LRBA: variants seen among roughly 807,000 people sequenced by gnomAD.
LRBA encodes lipopolysaccharide-responsive and beige-like anchor protein.
In LRBA, 176 loss-of-function variants were observed where a neutral mutation model predicts 330.0. That is an observed-to-expected ratio of 0.53 (90% CI 0.47 to 0.60). The LOEUF is 0.60. Among genes scored for constraint, LRBA ranks in the 20% least tolerant of loss-of-function variants. The pLI is 0.00. For missense variants in LRBA, 3,259 were observed against 3,444.8 expected (o/e 0.95, Z 1.35); for synonymous variants, 1,230 against 1,193.0 (o/e 1.03, Z -0.64).
At chr4:150,793,590 C>T (rs567997410) in intron 34 of LRBA, among the ~76,000 whole-genome samples, 14 of 152,014 alleles carry the variant, frequency 9.2e-5, no homozygotes, top group South Asian at 4.2e-4. Context: ...CTATACTGGA[C>T]GCTGGGGATA....
intron 40 of LRBA, among the ~76,000 whole-genome samples, chr4:150,585,541 A>G (rs1045710144): frequency 2.0e-5 from 3 of 152,204 alleles, no homozygotes; most frequent in Admixed American, 1.3e-4. Context: ...TTTTAATGCA[A>G]GGGAATAACT....
chr4:150,546,211 C>T (rs1765843658), intron 40 of LRBA, among the ~76,000 whole-genome samples: 1 of 152,186 alleles, frequency 6.6e-6, no homozygotes, highest in Non-Finnish European at 1.5e-5. Context: ...CATGGCCACG[C>T]TGCACATGTT....
chr4:150,958,527 G>T (rs1213783789), intron 2 of LRBA, among the ~76,000 whole-genome samples: 1 of 149,168 alleles, frequency 6.7e-6, no homozygotes, highest in Non-Finnish European at 1.5e-5. Context: ...CTATTGTCTT[G>T]GCAATTAACA....
At chr4:150,362,904 T>TCAGCCTGG (rs773765865) in intron 47 of LRBA, among the ~76,000 whole-genome samples, 1 of 151,942 alleles carries the variant, frequency 6.6e-6, no homozygotes, top group Non-Finnish European at 1.5e-5. Flanking sequence ...CAGCTTGAGA[T>TCAGCCTGG]CAGCCTGGCA....
rs546517319 is a variant in LRBA, at chr4:150,354,195, C to A, written c.7195-4036G>T. The stretch of plus-strand genomic sequence containing the variant: ...ATTTTTAAGATTTAAAAACATAAAT[C>A]ATAAAACCTATATTAAAATAGCTTT... On this transcript the variant is annotated intron_variant, in intron 47 of 56. Coordinates refer to ENST00000651943, the MANE Select transcript of LRBA (RefSeq NM_001364905.1). 1.6e-3 allele frequency among the ~76,000 whole-genome samples: 245 copies of A among 152,128 alleles called. 1 individual carries two copies. Among genetic ancestry groups the A allele is most frequent in the African/African-American group, 4.6e-3 (193 of 41,508 alleles).
At chr4:150,721,393 G>T in intron 36 of LRBA, 1 of 292,918 alleles carries the variant, frequency 3.4e-6, no homozygotes, top group South Asian at 4.1e-5. Context: ...CACCCTCAGG[G>T]AACCGAAGTC....
intron 34 of LRBA, among the ~76,000 whole-genome samples, chr4:150,790,723 C>G (rs534509960): frequency 6.6e-6 from 1 of 152,314 alleles, no homozygotes; most frequent in East Asian, 1.9e-4. Flanking sequence ...ACTTCCTATC[C>G]AGTCCTCACA....
intron 48 of LRBA, among the ~76,000 whole-genome samples, chr4:150,332,636 G>A (rs1460916289): frequency 1.5e-5 from 2 of 134,052 alleles, no homozygotes; most frequent in Admixed American, 8.1e-5. Context: ...GTCTAGTGTT[G>A]AATAAAATAT....
intron 37 of LRBA, among the ~76,000 whole-genome samples, chr4:150,655,451 T>A (rs1301447772): frequency 6.6e-6 from 1 of 152,194 alleles, no homozygotes; most frequent in African/African-American, 2.4e-5. Context: ...TGCCACCAAA[T>A]CTTTAAGACA....
At chr4:151,001,773 T>C (rs2149652236) in intron 2 of LRBA, among the ~76,000 whole-genome samples, 1 of 152,080 alleles carries the variant, frequency 6.6e-6, no homozygotes, top group South Asian at 2.1e-4. Context: ...CAGCAATCCA[T>C]CTGGAAGCCC....
At chr4:150,271,535 A>G (rs1746099914) in intron 56 of LRBA, among the ~76,000 whole-genome samples, 1 of 104,028 alleles carries the variant, frequency 9.6e-6, no homozygotes, top group East Asian at 2.3e-4. Flanking sequence ...TGGGGGGAGG[A>G]GCAGCCAGGG....
chr4:150,826,919 A>G (rs1291648605), intron 30 of LRBA, among the ~76,000 whole-genome samples: 1 of 152,210 alleles, frequency 6.6e-6, no homozygotes. Context: ...TGAAACAATA[A>G]ATTCCTCCTA....
At chr4:150,560,816 G>A (rs1196090633) in intron 40 of LRBA, among the ~76,000 whole-genome samples, 4 of 151,946 alleles carry the variant, frequency 2.6e-5, no homozygotes, top group Admixed American at 6.6e-5. Flanking sequence ...GAGAAACCCC[G>A]TCTCTACTAA....
chr4:150,285,509 T>C (rs1425019491), intron 54 of LRBA, among the ~76,000 whole-genome samples: 2 of 152,220 alleles, frequency 1.3e-5, no homozygotes, highest in African/African-American at 4.8e-5. Context: ...CATTCAGATA[T>C]AAGACGGAAC....
At chr4:150,465,951 A>C (rs1388377877) in intron 44 of LRBA, among the ~76,000 whole-genome samples, 1 of 152,094 alleles carries the variant, frequency 6.6e-6, no homozygotes. Flanking sequence ...AATTATAATA[A>C]ATTATGAAAT....
chr4:150,539,287 G>T (rs1218696024), intron 40 of LRBA, among the ~76,000 whole-genome samples: 1 of 152,018 alleles, frequency 6.6e-6, no homozygotes, highest in African/African-American at 2.4e-5. Context: ...TGTTTAAATT[G>T]AGGCTGTACC....
chr4:150,752,483 TA>T (rs750229415), intron 35 of LRBA, among the ~76,000 whole-genome samples: 19 of 151,708 alleles, frequency 1.3e-4, no homozygotes, highest in South Asian at 4.2e-4. Context: ...TAATTTAAAT[TA>T]AAAAAAAATT....
chr4:150,871,580 C>T, intron 18 of LRBA, 127 bp from the exon 19 acceptor site: 1 of 578,800 alleles, frequency 1.7e-6, no homozygotes, highest in Middle Eastern at 2.7e-4. Flanking sequence ...CAATTACTCT[C>T]CCAACTATCT....
intron 44 of LRBA, among the ~76,000 whole-genome samples, chr4:150,467,156 A>G (rs1755546664): frequency 6.6e-6 from 1 of 152,172 alleles, no homozygotes; most frequent in Non-Finnish European, 1.5e-5. Context: ...AATAACTGCA[A>G]TGGATTGAAA....
Sources: gnomAD v4.1 joint callset for allele counts (sites outside exome capture counted in the v4.1 genomes callset) on GRCh38, gnomAD v4.1.1 for gene constraint, MANE v1.5 for transcripts, NCBI Gene and HGNC (gene_info 2026-07-23, HGNC 2026-07-21) for gene names.